Variants in NALCN observed in about 807,000 individuals in gnomAD.
The protein encoded by NALCN is sodium leak channel, non-selective.
In NALCN, 111 loss-of-function variants were observed where a neutral mutation model predicts 225.3. The ratio of observed to expected loss-of-function variants is 0.49; its 90% CI spans 0.42 to 0.58. NALCN has a LOEUF of 0.58. Among genes scored for constraint, NALCN ranks in the 20% least tolerant of loss-of-function variants. NALCN has a pLI of 0.00. For synonymous variants in NALCN, 764 were observed against 769.0 expected, an observed-to-expected ratio of 0.99 and a Z score of 0.11; for missense variants, 1,378 against 2,202.4, an observed-to-expected ratio of 0.63 and a Z score of 7.49.
At chr13:101,130,996 T>G (rs2036490881) in intron 17 of NALCN, among the ~76,000 whole-genome samples, 1 of 152,194 alleles carries the variant, frequency 6.6e-6, no homozygotes, top group Non-Finnish European at 1.5e-5. Context: ...GTCATTTTTC[T>G]TGCAAATCAT....
At chr13:101,218,962 A>G (rs921021620) in intron 13 of NALCN, among the ~76,000 whole-genome samples, 1 of 152,100 alleles carries the variant, frequency 6.6e-6, no homozygotes, top group African/African-American at 2.4e-5. Flanking sequence ...CCTCTTATGC[A>G]TATTTGTGTC....
At chr13:101,278,522 CAAAAAAAAAAA>C (rs3061766) in intron 10 of NALCN, among the ~76,000 whole-genome samples, 34,246 of 88,050 alleles carry the variant, frequency 0.39, 4,861 homozygotes, top group South Asian at 0.48. Context: ...GACTCTGTCT[CAAAAAAAAAAA>C]AAAAAAAAAA....
At chr13:101,168,993 T>C (rs1399767297) in intron 15 of NALCN, among the ~76,000 whole-genome samples, 1 of 152,202 alleles carries the variant, frequency 6.6e-6, no homozygotes, top group Non-Finnish European at 1.5e-5. Context: ...GATTTCAGTC[T>C]GCACCTGCTT....
In NALCN at chr13:101,336,738, A is replaced by T. The variant is rs533898986; in HGVS notation, c.799+8528T>A. On this transcript the variant is annotated intron_variant, in intron 7 of 43. Transcript: ENST00000251127. Reference sequence around the variant, plus strand: ...GAAATTAATTAATGTGGATTTCCAAAATCACCTTGTATAAATTTGTTGGTT... The same window carrying T: ...GAAATTAATTAATGTGGATTTCCAATATCACCTTGTATAAATTTGTTGGTT... 1.3e-4 allele frequency among the ~76,000 whole-genome samples: 20 copies of T among 152,352 alleles called. No homozygotes were observed. The East Asian group carries it at 3.5e-3, about 26-fold the overall frequency.
intron 3 of NALCN, among the ~76,000 whole-genome samples, chr13:101,380,086 T>C (rs909219379): frequency 2.0e-5 from 3 of 151,882 alleles, no homozygotes; most frequent in Non-Finnish European, 4.4e-5. Flanking sequence ...TATATACACA[T>C]ATATACATTT....
chr13:101,066,645 T>C (rs1036176128), intron 39 of NALCN, among the ~76,000 whole-genome samples: 8 of 152,122 alleles, frequency 5.3e-5, no homozygotes, highest in African/African-American at 1.9e-4. Context: ...AGGTGGATCC[T>C]GAGGAGCTGA....
chr13:101,389,735 A>C (rs1257056296), intron 3 of NALCN, among the ~76,000 whole-genome samples: 3 of 152,182 alleles, frequency 2.0e-5, no homozygotes, highest in Non-Finnish European at 4.4e-5. Context: ...GAACAACCAA[A>C]CAAACGGATC....
chr13:101,282,262 T>G (rs1261546821), intron 10 of NALCN, among the ~76,000 whole-genome samples: 1 of 152,118 alleles, frequency 6.6e-6, no homozygotes, highest in Admixed American at 6.6e-5. Context: ...CCTAAGTGTC[T>G]ACTGATGGAT....
chr13:101,221,498 A>G (rs2040938855), intron 13 of NALCN, among the ~76,000 whole-genome samples: 1 of 151,982 alleles, frequency 6.6e-6, no homozygotes, highest in Non-Finnish European at 1.5e-5. Context: ...GACACAGGCT[A>G]CTCCCAACAA....
At chr13:101,111,710 T>TA (rs1189948077) in intron 18 of NALCN, among the ~76,000 whole-genome samples, 1 of 152,160 alleles carries the variant, frequency 6.6e-6, no homozygotes, top group Non-Finnish European at 1.5e-5. Context: ...CTGATGGTTT[T>TA]AAAAAGGGGA....
intron 7 of NALCN, among the ~76,000 whole-genome samples, chr13:101,317,910 T>G (rs891680026): frequency 6.6e-6 from 1 of 152,210 alleles, no homozygotes; most frequent in African/African-American, 2.4e-5. Context: ...TCTACTTATT[T>G]TTTAACGTAT....
chr13:101,181,337 GCTGGAATAATCA>G (rs1464614376), intron 14 of NALCN: 3 of 518,700 alleles, frequency 5.8e-6, no homozygotes, highest in Non-Finnish European at 1.2e-5. Flanking sequence ...AGAGAGGGAG[GCTGGAATAATCA>G]CAAAGTGATG....
intron 7 of NALCN, among the ~76,000 whole-genome samples, chr13:101,317,019 C>A (rs1465348730): frequency 1.3e-5 from 2 of 152,064 alleles, no homozygotes. Flanking sequence ...TCTGTAAATT[C>A]TTTATTGAAA....
chr13:101,139,340 T>C (rs2036955111), intron 17 of NALCN, among the ~76,000 whole-genome samples: 1 of 152,160 alleles, frequency 6.6e-6, no homozygotes, highest in Non-Finnish European at 1.5e-5. Flanking sequence ...TCAGTTGTTG[T>C]TTTTTTCTCC....
intron 15 of NALCN, among the ~76,000 whole-genome samples, chr13:101,153,809 A>G (rs1252078126): frequency 6.6e-6 from 1 of 152,258 alleles, no homozygotes; most frequent in East Asian, 1.9e-4. Context: ...TAGAAAAGAA[A>G]TACCTTTATG....
intron 17 of NALCN, among the ~76,000 whole-genome samples, chr13:101,141,078 A>G (rs1177502728): frequency 6.6e-6 from 1 of 152,238 alleles, no homozygotes; most frequent in Non-Finnish European, 1.5e-5. Context: ...ACCTCAGTTG[A>G]AATCTAATTA....
At chr13:101,321,051 G>T (rs1007909355) in intron 7 of NALCN, among the ~76,000 whole-genome samples, 2 of 105,528 alleles carry the variant, frequency 1.9e-5, no homozygotes, top group Admixed American at 1.8e-4. Flanking sequence ...ATTCTCTATT[G>T]CCCATAAATG....
At chr13:101,237,353 G>A (rs923183993) in intron 12 of NALCN, among the ~76,000 whole-genome samples, 10 of 151,984 alleles carry the variant, frequency 6.6e-5, no homozygotes, top group African/African-American at 2.4e-4. Context: ...TAGCCTTATC[G>A]ACAAGGAAGA....
chr13:101,345,480 G>T, intron 6 of NALCN, 60 bp from the exon 7 acceptor site: 1 of 1,533,754 alleles, frequency 6.5e-7, no homozygotes, highest in Non-Finnish European at 8.9e-7. Flanking sequence ...TGATTACAAT[G>T]AATAATGTAA....
Sources: allele counts gnomAD v4.1 joint callset (sites outside exome capture counted in the v4.1 genomes callset), GRCh38; gene constraint gnomAD v4.1.1; transcripts MANE v1.5; gene names NCBI Gene and HGNC (gene_info 2026-07-23, HGNC 2026-07-21).